The following ASIC2 variants were observed in gnomAD, a reference collection of about 807,000 sequenced individuals.
The protein encoded by ASIC2 is acid-sensing ion channel 2.
In ASIC2, 25 loss-of-function variants were observed where a neutral mutation model predicts 57.3. The ratio of observed to expected loss-of-function variants is 0.44; its 90% CI spans 0.32 to 0.61. ASIC2 has a LOEUF of 0.61. Among genes scored for constraint, ASIC2 ranks in the 20% least tolerant of loss-of-function variants. ASIC2 has a pLI of 0.06. For missense variants in ASIC2, 641 were observed against 738.1 expected (o/e 0.87, Z 1.52); for synonymous variants, 319 against 307.5 (o/e 1.04, Z -0.39).
chr17:33,970,904 A>T (rs1905211419), intron 1 of ASIC2, among the ~76,000 whole-genome samples: 1 of 152,044 alleles, frequency 6.6e-6, no homozygotes, highest in South Asian at 2.1e-4. Flanking sequence ...TGTCTGAGTC[A>T]CTCGTGCTGA....
intron 1 of ASIC2, among the ~76,000 whole-genome samples, chr17:33,678,800 C>T (rs973900918): frequency 2.8e-4 from 43 of 152,284 alleles, no homozygotes; most frequent in African/African-American, 9.9e-4. Context: ...CAGGGGGCAT[C>T]AGTCAGCGGG....
chr17:33,318,565 A>G (rs1253336948), intron 1 of ASIC2, among the ~76,000 whole-genome samples: 1 of 152,240 alleles, frequency 6.6e-6, no homozygotes. Flanking sequence ...GCTCCTGCCC[A>G]CTGAGCAACA....
chr17:33,278,289 A>G (rs763344161), intron 1 of ASIC2, among the ~76,000 whole-genome samples: 11 of 148,784 alleles, frequency 7.4e-5, no homozygotes, highest in Non-Finnish European at 1.6e-4. Flanking sequence ...CTGCTCCTTT[A>G]CCCCCCAACA....
At chr17:33,877,643 A>C (rs446351) in intron 1 of ASIC2, among the ~76,000 whole-genome samples, 1 of 152,088 alleles carries the variant, frequency 6.6e-6, no homozygotes, top group Non-Finnish European at 1.5e-5. Context: ...ACTGCAGCTC[A>C]AGGAGGCCTG....
chr17:33,917,890 GCA>G (rs71364627), intron 1 of ASIC2, among the ~76,000 whole-genome samples: 2,387 of 132,438 alleles, frequency 0.018, 71 homozygotes, highest in African/African-American at 0.055. Context: ...ACGTGCATGT[GCA>G]CACACACACA....
intron 1 of ASIC2, among the ~76,000 whole-genome samples, chr17:34,102,011 A>G (rs1031344395): frequency 6.6e-6 from 1 of 151,320 alleles, no homozygotes; most frequent in African/African-American, 2.4e-5. Context: ...CTGTATGCTT[A>G]AAAAAAAAGT....
chr17:34,027,176 A>T (rs542607007), intron 1 of ASIC2, among the ~76,000 whole-genome samples: 8 of 152,354 alleles, frequency 5.3e-5, no homozygotes, highest in Middle Eastern at 3.4e-3. Flanking sequence ...GCAATTTAAT[A>T]ATCTGCTCAC....
intron 1 of ASIC2, among the ~76,000 whole-genome samples, chr17:33,497,067 G>A (rs1913959458): frequency 6.6e-6 from 1 of 152,226 alleles, no homozygotes; most frequent in Non-Finnish European, 1.5e-5. Flanking sequence ...TGTGATGGGG[G>A]GAAAGGCAGG....
At chr17:33,157,243 A>G (rs1905031247) in intron 1 of ASIC2, among the ~76,000 whole-genome samples, 1 of 152,204 alleles carries the variant, frequency 6.6e-6, no homozygotes, top group Non-Finnish European at 1.5e-5. Flanking sequence ...TTCTGACAAA[A>G]TGAAGGCCAA....
chr17:34,023,755 A>T (rs1326791747), intron 1 of ASIC2, among the ~76,000 whole-genome samples: 1 of 152,080 alleles, frequency 6.6e-6, no homozygotes, highest in Admixed American at 6.5e-5. Flanking sequence ...CAGCCTCCAG[A>T]ACTGTGAGAA....
chr17:33,635,382 C>T (rs370176351), intron 1 of ASIC2, among the ~76,000 whole-genome samples: 5 of 152,164 alleles, frequency 3.3e-5, no homozygotes, highest in East Asian at 1.9e-4. Context: ...GCAAATTACT[C>T]GACTATTATC....
intron 1 of ASIC2, among the ~76,000 whole-genome samples, chr17:33,617,180 A>G (rs1428811334): frequency 6.6e-6 from 1 of 152,232 alleles, no homozygotes; most frequent in African/African-American, 2.4e-5. Context: ...CCAAAGAAAT[A>G]TTAATTGTTC....
chr17:34,136,370 C>A (rs1912126640), intron 1 of ASIC2, among the ~76,000 whole-genome samples: 1 of 152,194 alleles, frequency 6.6e-6, no homozygotes, highest in African/African-American at 2.4e-5. Flanking sequence ...AGAGATTTTA[C>A]TAAGAGTCTG....
chr17:33,329,740 GT>G (rs796583093), intron 1 of ASIC2, among the ~76,000 whole-genome samples: 30 of 149,840 alleles, frequency 2.0e-4, no homozygotes, highest in East Asian at 3.9e-4. Context: ...TTCAGTTCCA[GT>G]TTTTTTTTTC....
chr17:33,212,002 C>T (rs536381014), intron 1 of ASIC2, among the ~76,000 whole-genome samples: 1 of 152,184 alleles, frequency 6.6e-6, no homozygotes, highest in South Asian at 2.1e-4. Context: ...GAAGAGGAAA[C>T]AGGAGTCTCA....
intron 1 of ASIC2, among the ~76,000 whole-genome samples, chr17:33,325,905 A>G (rs1041609326): frequency 6.6e-6 from 1 of 152,172 alleles, no homozygotes; most frequent in African/African-American, 2.4e-5. Flanking sequence ...GGGGGCTGGT[A>G]ACATCACTAC....
At chr17:33,954,540 T>C (rs574356899) in intron 1 of ASIC2, among the ~76,000 whole-genome samples, 15 of 152,286 alleles carry the variant, frequency 9.8e-5, no homozygotes, top group African/African-American at 2.9e-4. Context: ...ATCATTAAGA[T>C]GAGAAGAGGC....
At chr17:34,130,133 GACT>G (rs1034404272) in intron 1 of ASIC2, among the ~76,000 whole-genome samples, 6 of 152,218 alleles carry the variant, frequency 3.9e-5, no homozygotes, top group African/African-American at 1.4e-4. Flanking sequence ...ATCATGAAAG[GACT>G]AAATTAGAGA....
chr17:33,156,134 GT>G (rs112484210), intron 1 of ASIC2, among the ~76,000 whole-genome samples: 143 of 143,832 alleles, frequency 9.9e-4, no homozygotes, highest in South Asian at 1.3e-3. Flanking sequence ...TAGGGAGCTT[GT>G]TTTTTTTTTT....
Sources: allele counts gnomAD v4.1 joint callset (sites outside exome capture counted in the v4.1 genomes callset), GRCh38; gene constraint gnomAD v4.1.1; transcripts MANE v1.5; gene names NCBI Gene and HGNC (gene_info 2026-07-23, HGNC 2026-07-21).